Variants in HMGCLL1 observed in about 807,000 individuals in gnomAD.
HMGCLL1 encodes 3-hydroxy-3-methylglutaryl-CoA lyase like 1.
HMGCLL1 carries 36 observed loss-of-function variants against 39.1 expected under a neutral mutation model. The ratio of observed to expected loss-of-function variants is 0.92; its 90% CI spans 0.71 to 1.22. The LOEUF (loss-of-function observed/expected upper bound fraction) is 1.22. HMGCLL1 is among the 50% of genes most tolerant of loss of function. The probability of loss-of-function intolerance (pLI) is 0.00; values close to 1 mark genes in which losing one functional copy is unlikely to be tolerated. For synonymous variants in HMGCLL1, 149 were observed against 144.0 expected (o/e 1.03, Z -0.25); for missense variants, 451 against 416.5 (o/e 1.08, Z -0.72).
At chr6:55,531,817 G>A (rs978751395) in intron 3 of HMGCLL1, among the ~76,000 whole-genome samples, 2 of 152,168 alleles carry the variant, frequency 1.3e-5, no homozygotes, top group Non-Finnish European at 2.9e-5. Flanking sequence ...CACTCCTCAT[G>A]AGAATCTAAT....
At chr6:55,586,892 A>G in the HMGCLL1 span, among the ~76,000 whole-genome samples, 12 of 152,052 alleles carry the variant, frequency 7.9e-5, no homozygotes, top group African/African-American at 2.9e-4. Context: ...ATGATTTATA[A>G]TCCTTTGGGT....
At chr6:55,571,759 A>C (rs925548954) in intron 1 of HMGCLL1, among the ~76,000 whole-genome samples, 1 of 152,130 alleles carries the variant, frequency 6.6e-6, no homozygotes, top group African/African-American at 2.4e-5. Flanking sequence ...CAGTAAGTCG[A>C]GATCGCGCCA....
At chr6:55,623,664 CACAA>C in the HMGCLL1 span, among the ~76,000 whole-genome samples, 27 of 148,806 alleles carry the variant, frequency 1.8e-4, no homozygotes, top group Admixed American at 7.4e-4. Context: ...AATATATATA[CACAA>C]ACATATTATA....
intron 3 of HMGCLL1, among the ~76,000 whole-genome samples, chr6:55,537,887 C>T (rs1383211082): frequency 6.6e-6 from 1 of 152,148 alleles, no homozygotes; most frequent in Non-Finnish European, 1.5e-5. Context: ...AAGCCCTAAA[C>T]TCAACTTGGG....
chr6:55,501,415 T>G (rs1201016033), intron 5 of HMGCLL1, among the ~76,000 whole-genome samples: 1 of 151,932 alleles, frequency 6.6e-6, no homozygotes, highest in Non-Finnish European at 1.5e-5. Context: ...AGAAATCATC[T>G]GACCCACAAC....
the HMGCLL1 span, among the ~76,000 whole-genome samples, chr6:55,607,357 C>T: frequency 6.6e-6 from 1 of 152,174 alleles, no homozygotes; most frequent in African/African-American, 2.4e-5. Flanking sequence ...ATGCTTCCAT[C>T]ATTTAAAGTG....
At chr6:55,516,736 C>T in intron 3 of HMGCLL1, 133 bp from the exon 4 acceptor site, 1 of 496,632 alleles carries the variant, frequency 2.0e-6, no homozygotes, top group South Asian at 4.6e-5. Flanking sequence ...AAAAAAAATG[C>T]CAGTGAATGT....
chr6:55,438,137 A>C (rs1763443957), intron 8 of HMGCLL1, among the ~76,000 whole-genome samples: 1 of 152,070 alleles, frequency 6.6e-6, no homozygotes, highest in Admixed American at 6.6e-5. Context: ...CAGTCATCTA[A>C]ATTTCTAAGA....
In HMGCLL1 at chr6:55,437,551, A is replaced by T. The variant is rs530367643; in HGVS notation, c.922-1788T>A. On this transcript the variant is annotated intron_variant, in intron 8 of 8. Coordinates refer to ENST00000274901, the MANE Select transcript of HMGCLL1 (RefSeq NM_001042406.2). ...ACTGTATGCAGGCAGAGAGAAGAGC[A>T]GTCCAAGATATCTTAAATATCCATG... 2.4e-3 allele frequency among the ~76,000 whole-genome samples: 370 copies of T among 152,132 alleles called. 1 individual carries two copies. Among genetic ancestry groups the T allele is most frequent in the Non-Finnish European group, 4.3e-3 (293 of 67,930 alleles).
At chr6:55,463,654 T>A (rs4458689) in intron 7 of HMGCLL1, among the ~76,000 whole-genome samples, 83,134 of 152,002 alleles carry the variant, frequency 0.55, 23,891 homozygotes, top group African/African-American at 0.74. Flanking sequence ...TATTTGAAAC[T>A]AAATGTCTAC....
chr6:55,536,912 C>A lies in HMGCLL1; in HGVS notation c.297+4817G>T, dbSNP rs9396104. Among the ~76,000 whole-genome samples the A allele has an allele frequency of 8.5e-4, 130 of 152,214 alleles. 1 individual carries two copies. In the East Asian group the frequency reaches 0.022, roughly 26 times the overall value. The stretch of plus-strand genomic sequence containing the variant: ...AGCAATCTAAACATCAACTAGAGGA[C>A]TATTCCCATGACCTACATTTGAGGA... On this transcript the variant is annotated intron_variant, in intron 3 of 8. Transcript: ENST00000274901.
chr6:55,674,120 T>C, the HMGCLL1 span, among the ~76,000 whole-genome samples: 34 of 151,988 alleles, frequency 2.2e-4, no homozygotes, highest in African/African-American at 6.8e-4. Flanking sequence ...TTGAAAATGA[T>C]GTTGATACAT....
At chr6:55,641,631 G>A in the HMGCLL1 span, among the ~76,000 whole-genome samples, 119 of 152,020 alleles carry the variant, frequency 7.8e-4, no homozygotes, top group Non-Finnish European at 1.2e-3. Context: ...CTGGAATAGA[G>A]AGTAGGGAAA....
At chr6:55,619,836 AC>A in the HMGCLL1 span, among the ~76,000 whole-genome samples, 2 of 151,944 alleles carry the variant, frequency 1.3e-5, no homozygotes, top group Non-Finnish European at 2.9e-5. Flanking sequence ...CCATGCCCAC[AC>A]CGCCCCCGCT....
rs182372639 is a variant in HMGCLL1 at position 55,517,639 on chromosome 6, C to T, written c.298-1036G>A. 6.4e-3 allele frequency among the ~76,000 whole-genome samples: 968 copies of T among 151,576 alleles called. 15 individuals are homozygous for T. Among genetic ancestry groups the T allele is most frequent in the African/African-American group, 0.023 (931 of 41,376 alleles). On this transcript the variant is annotated intron_variant, in intron 3 of 8. Transcript: ENST00000274901. ...AGCAAATAAATCCAAACAAAAAATG[C>T]TTTTTAAAACATAGTTAAATACATT...
the HMGCLL1 span, among the ~76,000 whole-genome samples, chr6:55,614,465 T>C: frequency 5.9e-5 from 9 of 152,120 alleles, no homozygotes; most frequent in Non-Finnish European, 1.5e-5. Context: ...GAGAAATAAA[T>C]GTCTATTGTT....
intron 5 of HMGCLL1, among the ~76,000 whole-genome samples, chr6:55,510,467 A>T (rs1290838552): frequency 1.3e-5 from 2 of 151,740 alleles, no homozygotes; most frequent in Non-Finnish European, 2.9e-5. Context: ...AGCCATAAAA[A>T]ATGATGAGTT....
chr6:55,647,294 G>A, the HMGCLL1 span, among the ~76,000 whole-genome samples: 1 of 151,634 alleles, frequency 6.6e-6, no homozygotes, highest in African/African-American at 2.4e-5. Flanking sequence ...TATCTCTATA[G>A]GTGAAGTGTG....
At chr6:55,669,252 G>A in the HMGCLL1 span, among the ~76,000 whole-genome samples, 1 of 151,828 alleles carries the variant, frequency 6.6e-6, no homozygotes, top group Admixed American at 6.6e-5. Context: ...GTCCCACATG[G>A]AACAGTGAAT....
Sources: gnomAD v4.1 joint callset for allele counts (sites outside exome capture counted in the v4.1 genomes callset) on GRCh38, gnomAD v4.1.1 for gene constraint, MANE v1.5 for transcripts, NCBI Gene and HGNC (gene_info 2026-07-23, HGNC 2026-07-21) for gene names.